PDE7B: variants seen among roughly 807,000 people sequenced by gnomAD.
PDE7B encodes phosphodiesterase 7B, also known as 3',5'-cyclic-AMP phosphodiesterase 7B.
In PDE7B, 29 loss-of-function variants were observed where a neutral mutation model predicts 56.2. That is an observed-to-expected ratio of 0.52 (90% confidence interval 0.38 to 0.70). The LOEUF is 0.70. Among genes scored for constraint, PDE7B ranks in the 30% least tolerant of loss-of-function variants. The pLI is 0.00. For missense variants in PDE7B, 490 were observed against 565.0 expected (o/e 0.87, Z 1.35); for synonymous variants, 197 against 196.9 (o/e 1.00, Z 0.00).
chr6:135,873,694 A>G (rs903028855), intron 1 of PDE7B, among the ~76,000 whole-genome samples: 7 of 152,176 alleles, frequency 4.6e-5, no homozygotes, highest in Admixed American at 6.6e-5. Context: ...GAAAATGTAA[A>G]TATTGATAAT....
intron 1 of PDE7B, among the ~76,000 whole-genome samples, chr6:135,865,049 T>C (rs1198663942): frequency 6.6e-6 from 1 of 151,286 alleles, no homozygotes; most frequent in Non-Finnish European, 1.5e-5. Context: ...TGTTTGTTTT[T>C]TTGTCCTTGC....
intron 1 of PDE7B, among the ~76,000 whole-genome samples, chr6:135,928,453 T>TTA (rs1171803694): frequency 9.5e-5 from 10 of 105,264 alleles, no homozygotes; most frequent in East Asian, 5.3e-4. Flanking sequence ...ATATATTTAT[T>TTA]TATATATATA....
chr6:135,855,669 A>T (rs1249894100), intron 1 of PDE7B, among the ~76,000 whole-genome samples: 1 of 152,180 alleles, frequency 6.6e-6, no homozygotes, highest in Non-Finnish European at 1.5e-5. Context: ...TTGGTAAATC[A>T]AATCCGTACA....
In PDE7B at chr6:136,037,416, T is replaced by G. The variant is rs550320395; in HGVS notation, c.83-71315T>G. The G allele has an allele frequency of 3.0e-6, 3 of 985,216 alleles. No homozygotes were observed. In the African/African-American group the frequency reaches 5.2e-5, roughly 17 times the overall value. The allele number at this position is 985,216 out of a possible 1,614,324, so 61.0% of individuals were successfully genotyped here. On this transcript the variant is annotated intron_variant, in intron 2 of 12. Coordinates refer to ENST00000308191, the MANE Select transcript of PDE7B (RefSeq NM_018945.4). ...TTTGACTAATAGGTCATAACCCAGA[T>G]AGGTTTGCCGAGAACCAAATGACAC...
intron 2 of PDE7B, among the ~76,000 whole-genome samples, chr6:136,010,786 A>G (rs1775878968): frequency 6.6e-6 from 1 of 152,130 alleles, no homozygotes; most frequent in South Asian, 2.1e-4. Context: ...GCCAAACCAT[A>G]TCAGAGGTCA....
chr6:135,853,876 C>G (rs1774979179), intron 1 of PDE7B, among the ~76,000 whole-genome samples: 2 of 152,160 alleles, frequency 1.3e-5, no homozygotes, highest in African/African-American at 4.8e-5. Flanking sequence ...GTCAGTTCTC[C>G]ATAAAAACCT....
At chr6:136,046,642 G>A (rs1776513624) in intron 2 of PDE7B, among the ~76,000 whole-genome samples, 1 of 152,082 alleles carries the variant, frequency 6.6e-6, no homozygotes, top group Admixed American at 6.5e-5. Context: ...AATTCCCCAG[G>A]GTATCAGGAG....
intron 2 of PDE7B, among the ~76,000 whole-genome samples, chr6:136,092,521 G>A (rs1345553391): frequency 6.6e-6 from 1 of 152,198 alleles, no homozygotes; most frequent in African/African-American, 2.4e-5. Flanking sequence ...AGCACTTTGG[G>A]AAGCTGAGGC....
At chr6:136,173,105 T>C (rs554382940) in intron 8 of PDE7B, among the ~76,000 whole-genome samples, 2 of 152,172 alleles carry the variant, frequency 1.3e-5, no homozygotes, top group Admixed American at 1.3e-4. Flanking sequence ...TTCAATGCCA[T>C]CCCCATCAAA....
At chr6:135,926,189 C>T (rs1379478909) in intron 1 of PDE7B, among the ~76,000 whole-genome samples, 3 of 151,154 alleles carry the variant, frequency 2.0e-5, no homozygotes, top group Middle Eastern at 3.2e-3. Context: ...TGGGTTCACG[C>T]CATTCTCCTG....
At chr6:136,041,557 T>C (rs1435268646) in intron 2 of PDE7B, among the ~76,000 whole-genome samples, 6 of 152,158 alleles carry the variant, frequency 3.9e-5, no homozygotes, top group Non-Finnish European at 7.4e-5. Context: ...TGGGAGATGA[T>C]AGAAGGAAGG....
At chr6:136,130,003 CGGTAT>C (rs1778089554) in intron 3 of PDE7B, among the ~76,000 whole-genome samples, 4 of 152,218 alleles carry the variant, frequency 2.6e-5, no homozygotes, top group African/African-American at 7.2e-5. Context: ...GGCTTTAGCA[CGGTAT>C]GTGTATATTC....
At chr6:136,103,823 T>C (rs962105952) in intron 2 of PDE7B, among the ~76,000 whole-genome samples, 2 of 152,152 alleles carry the variant, frequency 1.3e-5, no homozygotes, top group African/African-American at 2.4e-5. Context: ...CCTGACACCT[T>C]TTCCTCACCC....
At chr6:136,091,731 A>G (rs2128216163) in intron 2 of PDE7B, among the ~76,000 whole-genome samples, 1 of 152,360 alleles carries the variant, frequency 6.6e-6, no homozygotes, top group Admixed American at 6.5e-5. Context: ...GCTGTGAATG[A>G]ATCTCCAGTG....
At chr6:136,000,353 G>C (rs151150745) in intron 2 of PDE7B, among the ~76,000 whole-genome samples, 1 of 152,054 alleles carries the variant, frequency 6.6e-6, no homozygotes, top group Non-Finnish European at 1.5e-5. Flanking sequence ...GTATTTCTTC[G>C]GTTGTCTTCC....
chr6:135,939,951 A>G (rs903458991), intron 1 of PDE7B, among the ~76,000 whole-genome samples: 20 of 152,212 alleles, frequency 1.3e-4, no homozygotes, highest in Admixed American at 7.9e-4. Flanking sequence ...AGATAGCTAT[A>G]TTGTAATTAT....
chr6:135,948,072 T>C (rs1412211740), intron 2 of PDE7B, among the ~76,000 whole-genome samples: 2 of 152,028 alleles, frequency 1.3e-5, no homozygotes, highest in East Asian at 3.8e-4. Context: ...CAAACTCTTT[T>C]AATATATACT....
intron 2 of PDE7B, among the ~76,000 whole-genome samples, chr6:136,032,903 G>T (rs1249073300): frequency 1.3e-5 from 2 of 152,126 alleles, no homozygotes; most frequent in African/African-American, 4.8e-5. Flanking sequence ...CCCAAATTTG[G>T]GGCAAAGCTC....
At chr6:136,055,156 G>A (rs919454166) in intron 2 of PDE7B, among the ~76,000 whole-genome samples, 1 of 152,126 alleles carries the variant, frequency 6.6e-6, no homozygotes, top group Non-Finnish European at 1.5e-5. Flanking sequence ...AATCATTTCT[G>A]CTATCTAAAA....
Sources: gnomAD v4.1 joint callset for allele counts (sites outside exome capture counted in the v4.1 genomes callset) on GRCh38, gnomAD v4.1.1 for gene constraint, MANE v1.5 for transcripts, NCBI Gene and HGNC (gene_info 2026-07-23, HGNC 2026-07-21) for gene names.